Variants in PPRC1 observed in about 807,000 individuals in gnomAD.
The protein encoded by PPRC1 is PPARG related coactivator 1.
In PPRC1, 23 loss-of-function variants were observed where a neutral mutation model predicts 132.5. That is an observed-to-expected ratio of 0.17 (90% CI 0.12 to 0.25). PPRC1 has a LOEUF of 0.25. Ranked by LOEUF, PPRC1 falls within the 10% of genes least tolerant of loss-of-function variation. PPRC1 has a pLI of 1.00. For synonymous variants in PPRC1, 872 were observed against 833.5 expected (o/e 1.05, Z -0.80); for missense variants, 2,006 against 2,089.1 (o/e 0.96, Z 0.78).
At chr10:102,142,114 T>G in intron 5 of PPRC1, 110 bp downstream of exon 5, 1 of 1,331,548 alleles carries the variant, frequency 7.5e-7, no homozygotes, top group African/African-American at 1.5e-5. Context: ...TTGGAGGAGT[T>G]TTTTTGTTTT....
chr10:102,125,851 C>T, the PPRC1 span, among the ~76,000 whole-genome samples: 2 of 150,556 alleles, frequency 1.3e-5, no homozygotes, highest in Non-Finnish European at 3.0e-5. Context: ...ACCACTCTGT[C>T]TTTCTTTCTT....
chr10:102,125,609 C>G, the PPRC1 span, among the ~76,000 whole-genome samples: 1 of 152,012 alleles, frequency 6.6e-6, no homozygotes, highest in African/African-American at 2.4e-5. Context: ...ACTCTGGACA[C>G]AGGCAGGAGG....
At chr10:102,127,584 T>C in the PPRC1 span, among the ~76,000 whole-genome samples, 1 of 151,986 alleles carries the variant, frequency 6.6e-6, no homozygotes, top group Non-Finnish European at 1.5e-5. Flanking sequence ...TTTTTTGTAT[T>C]TTTAGTAGAG....
rs2068947537 is a variant in PPRC1, at chr10:102,140,979, C to T, written c.2471C>T (p.Pro824Leu). 6.2e-7 allele frequency: 1 copy of T among 1,613,944 alleles called. No homozygotes were observed. The highest frequency in any genetic ancestry group is 1.3e-5 in the African/African-American group (1 of 74,912). ...GAGATTTGCCTTGTGCCTGTAGGTCCCAGCCCTGCTTCTCCTAGTCCTGAG... is the reference window on the plus strand; with the variant it reads ...GAGATTTGCCTTGTGCCTGTAGGTCTCAGCCCTGCTTCTCCTAGTCCTGAG... ...PLEICLVPVGPSPASPSPEPP... is the reference protein window; with the variant it reads ...PLEICLVPVGLSPASPSPEPP... The change falls in exon 5 of 14, where the codon CCC (proline) becomes CTC (leucine). Residue 824 changes from proline (P) to leucine (L), a missense_variant. Pro to Leu is a moderately conservative substitution (Grantham distance 98). Transcript: ENST00000278070.
the PPRC1 span, among the ~76,000 whole-genome samples, chr10:102,122,192 C>T: frequency 6.6e-6 from 1 of 152,154 alleles, no homozygotes; most frequent in African/African-American, 2.4e-5. Flanking sequence ...CACCCCCTCC[C>T]TGCATTCTCC....
At chr10:102,127,020 CATATATATATATATAT>C in the PPRC1 span, among the ~76,000 whole-genome samples, 31 of 87,950 alleles carry the variant, frequency 3.5e-4, no homozygotes, top group South Asian at 4.8e-3. Context: ...GGTTTTTTAT[CATATATATATATATAT>C]ATATATATAT....
the PPRC1 span, chr10:102,120,189 C>CGCCGCCGCCCGCG: frequency 9.1e-7 from 1 of 1,096,256 alleles, no homozygotes; most frequent in South Asian, 4.3e-5. Context: ...CATGAGCCGC[C>CGCCGCCGCCCGCG]GCCGCCGCCC....
chr10:102,130,561 C>T (rs1311600196), upstream of PPRC1, among the ~76,000 whole-genome samples: 1 of 151,686 alleles, frequency 6.6e-6, no homozygotes, highest in East Asian at 1.9e-4. Context: ...CATGGAGAAA[C>T]CCCCTCTCTA....
chr10:102,129,017 C>T (rs2068503641), upstream of PPRC1, among the ~76,000 whole-genome samples: 3 of 148,656 alleles, frequency 2.0e-5, no homozygotes, highest in South Asian at 6.5e-4. Context: ...GCAAGCTCCG[C>T]CTCCCGGGTT....
intron 1 of PPRC1, among the ~76,000 whole-genome samples, chr10:102,136,770 G>A (rs2068739081): frequency 6.6e-6 from 1 of 152,190 alleles, no homozygotes. Context: ...GGGGACTACT[G>A]TAGTGGAGAT....
At position 102,149,173 on chromosome 10, in the gene PPRC1, A is replaced by G. The variant is rs1368402028; in HGVS notation, c.4740-5A>G. The G allele has an allele frequency of 1.3e-6, 2 of 1,575,810 alleles. No homozygotes were observed. Among genetic ancestry groups the G allele is most frequent in the Non-Finnish European group, 1.7e-6 (2 of 1,159,060 alleles). On this transcript the variant is annotated splice_region_variant and splice_polypyrimidine_tract_variant and intron_variant, in intron 12 of 13. Transcript: ENST00000278070. ...CCAGCCCCTGCCTCACTCTCCTCCT[A>G]CTAGGGACAACTACGGCTTCGTCAC...
chr10:102,123,355 A>G, the PPRC1 span, among the ~76,000 whole-genome samples: 1 of 151,850 alleles, frequency 6.6e-6, no homozygotes, highest in African/African-American at 2.4e-5. Context: ...GACACCTGGC[A>G]GACAGAAGGG....
In PPRC1 at chr10:102,140,874, T is replaced by C; in HGVS notation, c.2366T>C (p.Leu789Pro). The C allele has an allele frequency of 6.2e-7, 1 of 1,614,110 alleles. No individual in the cohort carries two copies. Among genetic ancestry groups the C allele is most frequent in the Non-Finnish European group, 8.5e-7 (1 of 1,180,020 alleles). Residue 789 changes from leucine (L) to proline (P), a missense_variant, in exon 5 of 14, where the codon CTG becomes CCG. Physicochemically the swap from Leu to Pro is moderately conservative, Grantham distance 98 (BLOSUM62 -3). Transcript: ENST00000278070. ...AGCCTTCCAGAGACTCCCACAGGGC[T>C]GGCAGACATCCCTTGTCTTGTCATC... ...WPSLPETPTG[L>P]ADIPCLVIPP...
chr10:102,134,409 G>GTTA (rs1236636638), intron 1 of PPRC1, among the ~76,000 whole-genome samples: 10 of 152,286 alleles, frequency 6.6e-5, no homozygotes, highest in Middle Eastern at 3.4e-3. Flanking sequence ...TTCAAAAAGT[G>GTTA]TTATTGTTCT....
chr10:102,129,647 A>G (rs2068512710), upstream of PPRC1, among the ~76,000 whole-genome samples: 1 of 152,018 alleles, frequency 6.6e-6, no homozygotes, highest in Admixed American at 6.5e-5. Flanking sequence ...CCCGTCGCCC[A>G]GGCTGGAGTG....
chr10:102,138,145 TG>T, intron 2 of PPRC1, 107 bp downstream of exon 2: 1 of 1,198,826 alleles, frequency 8.3e-7, no homozygotes, highest in South Asian at 1.6e-5. Context: ...AGCTTCTTCC[TG>T]GGTGCCCAAC....
intron 1 of PPRC1, among the ~76,000 whole-genome samples, chr10:102,136,671 GTT>G (rs2068734398): frequency 6.6e-6 from 1 of 152,032 alleles, no homozygotes; most frequent in Non-Finnish European, 1.5e-5. Context: ...GGTATGTATT[GTT>G]TGTATCAATA....
rs1339425140 is a variant in PPRC1, at chr10:102,141,119, A to G, written c.2611A>G (p.Thr871Ala). ...PVQSVSPAVP[T>A]PPSMSAALPF... ...GCAGTCTGTGTCCCCTGCTGTGCCC[A>G]CACCTCCCTCGATGTCTGCTGCCCT... The change falls in exon 5 of 14, where the codon ACA becomes GCA. Residue 871 changes from threonine (T) to alanine (A), a missense_variant. By Grantham distance (58) the Thr-to-Ala change is moderately conservative. Transcript: ENST00000278070. 3 of 1,613,650 alleles carry G rather than the reference A, an allele frequency of 1.9e-6. No individual in the cohort carries two copies. The East Asian group carries it at 6.7e-5, about 36-fold the overall frequency.
rs202200834 is a variant in PPRC1 at position 102,137,923 on chromosome 10, A to G, written c.227A>G (p.Lys76Arg). ...CGGCTGGGCCCATCTCTGAGGGACA[A>G]GGACCTGGAAATGGAGGAGCTAATG... ...LSRLGPSLRD[K>R]DLEMEELMLQ... Residue 76 changes from lysine (K) to arginine (R), a missense_variant, in exon 2 of 14, where the codon AAG becomes AGG. By Grantham distance (26) the Lys-to-Arg change is conservative. Around this residue, in one of 2 missense-constraint regions of PPRC1, gnomAD observed 1,914 missense variants for 1,917.2 expected, o/e 1.00. Coordinates refer to ENST00000278070, the MANE Select transcript of PPRC1 (RefSeq NM_015062.5). 82 of 1,614,136 alleles carry G rather than the reference A, an allele frequency of 5.1e-5. No homozygotes were observed. The African/African-American group carries it at 1.0e-3, about 20-fold the overall frequency.
Sources: allele counts gnomAD v4.1 joint callset (sites outside exome capture counted in the v4.1 genomes callset), GRCh38; gene constraint gnomAD v4.1.1; regional missense constraint gnomAD v4.1.1; transcripts MANE v1.5; gene names NCBI Gene and HGNC (gene_info 2026-07-23, HGNC 2026-07-21).